The following TRPM3 variants were observed in gnomAD, a reference collection of about 807,000 sequenced individuals.
The protein encoded by TRPM3 is long transient receptor potential channel 3.
Under a neutral mutation model 181.2 loss-of-function variants are expected in TRPM3, and 77 were observed. That is an observed-to-expected ratio of 0.42 (90% CI 0.35 to 0.51). The LOEUF is 0.51. Among genes scored for constraint, TRPM3 ranks in the 20% least tolerant of loss-of-function variants. The pLI is 0.01. For synonymous variants in TRPM3, 745 were observed against 796.4 expected, an observed-to-expected ratio of 0.94 and a Z score of 1.09; for missense variants, 1,759 against 2,196.7, an observed-to-expected ratio of 0.80 and a Z score of 3.98.
intron 1 of TRPM3, among the ~76,000 whole-genome samples, chr9:71,064,708 C>T (rs2061707150): frequency 6.6e-6 from 1 of 152,026 alleles, no homozygotes; most frequent in African/African-American, 2.4e-5. Flanking sequence ...ACTTTGAATT[C>T]ACGTCAGTCA....
chr9:70,535,832 A>G lies in TRPM3; in HGVS notation c.*121T>C. The G allele has an allele frequency of 6.6e-7, 1 of 1,506,148 alleles. No individual in the cohort carries two copies. Among genetic ancestry groups the G allele is most frequent in the Non-Finnish European group, 8.8e-7 (1 of 1,134,342 alleles). 93.3% of individuals were successfully genotyped at this position (1,506,148 alleles called of 1,614,324 possible). A position where few individuals can be genotyped will look rare whatever the true frequency, so the allele number is the denominator to read the frequency against. ...CCTTTGAGTTAACACCTCCCAAAGC[A>G]TTGCTTGTTTTGCTCAGCTAAGAAT... On this transcript the variant is annotated 3_prime_UTR_variant, in exon 26 of 26. Coordinates refer to ENST00000677713, the MANE Select transcript of TRPM3 (RefSeq NM_001366145.2).
At chr9:71,086,569 G>A (rs2065299754) in intron 1 of TRPM3, among the ~76,000 whole-genome samples, 1 of 151,916 alleles carries the variant, frequency 6.6e-6, no homozygotes, top group African/African-American at 2.4e-5. Context: ...TGCATATCCT[G>A]TCAGGATAAG....
rs1237490677 is a variant in TRPM3 at position 70,530,475 on chromosome 9, C to A, written c.*5478G>T. The stretch of plus-strand genomic sequence containing the variant: ...ACACATGTCTTTTCAGTTTCCAGCA[C>A]ACAAACATTGTGCAAACGCACAAGG... On this transcript the variant is annotated 3_prime_UTR_variant, in exon 26 of 26. Transcript: ENST00000677713. 6.6e-6 allele frequency: 1 copy of A among 152,216 alleles called. No homozygotes were observed. Among genetic ancestry groups the A allele is most frequent in the Non-Finnish European group, 1.5e-5 (1 of 68,060 alleles). 9.4% of individuals were successfully genotyped at this position (152,216 alleles called of 1,614,324 possible).
chr9:70,993,796 A>C (rs1260236832), intron 1 of TRPM3, among the ~76,000 whole-genome samples: 6 of 128,968 alleles, frequency 4.7e-5, no homozygotes, highest in African/African-American at 1.6e-4. Flanking sequence ...AAAAAAAAAA[A>C]AAAAAAAAAG....
intron 1 of TRPM3, among the ~76,000 whole-genome samples, chr9:70,949,223 T>G (rs1273228924): frequency 1.3e-5 from 2 of 152,030 alleles, no homozygotes; most frequent in Non-Finnish European, 2.9e-5. Flanking sequence ...TTTTTAATTT[T>G]TAAAAATAAT....
intron 22 of TRPM3, among the ~76,000 whole-genome samples, chr9:70,562,439 G>A (rs891739344): frequency 6.6e-6 from 1 of 152,198 alleles, no homozygotes; most frequent in Non-Finnish European, 1.5e-5. Context: ...GGGAAAAAAA[G>A]GGACCAATGA....
intron 1 of TRPM3, among the ~76,000 whole-genome samples, chr9:71,264,474 CA>C (rs35075685): frequency 2.6e-5 from 4 of 151,350 alleles, no homozygotes; most frequent in East Asian, 1.9e-4. Flanking sequence ...GTAAGCGATC[CA>C]AAAAAAAGTC....
At chr9:70,985,887 G>A (rs1207264115) in intron 1 of TRPM3, among the ~76,000 whole-genome samples, 2 of 152,180 alleles carry the variant, frequency 1.3e-5, no homozygotes, top group African/African-American at 4.8e-5. Flanking sequence ...ACCAAGGACA[G>A]GATGGAGGGA....
chr9:70,972,472 G>A (rs965356264), intron 1 of TRPM3, among the ~76,000 whole-genome samples: 1 of 152,160 alleles, frequency 6.6e-6, no homozygotes, highest in Admixed American at 6.5e-5. Flanking sequence ...GGACTGGGAT[G>A]AGCGGAAATG....
At chr9:71,103,050 T>C (rs1220775042) in intron 1 of TRPM3, among the ~76,000 whole-genome samples, 1 of 152,188 alleles carries the variant, frequency 6.6e-6, no homozygotes, top group African/African-American at 2.4e-5. Flanking sequence ...ATCAAAGAAG[T>C]TGCTTTTTAG....
At chr9:70,537,877 G>A (rs567663734) in intron 25 of TRPM3, among the ~76,000 whole-genome samples, 25 of 152,228 alleles carry the variant, frequency 1.6e-4, no homozygotes, top group African/African-American at 6.0e-4. Flanking sequence ...CCAGAATTTT[G>A]CAATGAAATT....
chr9:70,536,107 C>G lies in TRPM3; in HGVS notation c.5006G>C (p.Ser1669Thr). 6.2e-7 allele frequency: 1 copy of G among 1,614,192 alleles called. No individual in the cohort carries two copies. Residue 1669 changes from serine to threonine, a missense_variant, in exon 26 of 26, where the codon AGT becomes ACT. Physicochemically the swap from Ser to Thr is moderately conservative, Grantham distance 58 (BLOSUM62 1). Around this residue, in one of 8 missense-constraint regions of TRPM3, gnomAD observed 612 missense variants for 590.0 expected, o/e 1.04. Transcript: ENST00000677713. Reference protein sequence around the residue: ...YAHTRKSFSISDKLDRQRNTA... With the variant: ...YAHTRKSFSITDKLDRQRNTA... Reference sequence around the variant, plus strand: ...GTTCCGCTGCCTGTCGAGTTTGTCACTGATGGAGAAGCTCTTCCTGGTGTG... The same window carrying G: ...GTTCCGCTGCCTGTCGAGTTTGTCAGTGATGGAGAAGCTCTTCCTGGTGTG...
intron 1 of TRPM3, among the ~76,000 whole-genome samples, chr9:71,141,358 A>G (rs1329777): frequency 0.95 from 144,658 of 152,236 alleles, 68,895 homozygotes; most frequent in East Asian, 1. Context: ...AAAAAAAAAT[A>G]AAATTCACAT....
At chr9:70,790,729 T>C (rs905887294) in intron 6 of TRPM3, among the ~76,000 whole-genome samples, 4 of 152,190 alleles carry the variant, frequency 2.6e-5, no homozygotes, top group African/African-American at 9.6e-5. Flanking sequence ...GATGAATTTA[T>C]GAAAACTACA....
At chr9:70,682,466 TA>T (rs1274131434) in intron 8 of TRPM3, among the ~76,000 whole-genome samples, 1 of 151,740 alleles carries the variant, frequency 6.6e-6, no homozygotes, top group East Asian at 1.9e-4. Flanking sequence ...TCAAGCAGAG[TA>T]AGTGGGTAAA....
At chr9:71,159,988 A>G (rs975279723) in intron 1 of TRPM3, among the ~76,000 whole-genome samples, 7 of 152,078 alleles carry the variant, frequency 4.6e-5, no homozygotes, top group African/African-American at 1.7e-4. Flanking sequence ...ATCAGACCCT[A>G]TAGGACTCAC....
At chr9:70,607,540 C>A (rs2061372161) in intron 19 of TRPM3, among the ~76,000 whole-genome samples, 1 of 152,134 alleles carries the variant, frequency 6.6e-6, no homozygotes, top group South Asian at 2.1e-4. Context: ...GCCCCACCAC[C>A]CCCCGCCAAA....
chr9:70,681,621 C>T, intron 8 of TRPM3, 43 bp from the exon 9 acceptor site: 3 of 1,559,708 alleles, frequency 1.9e-6, no homozygotes, highest in Non-Finnish European at 2.7e-6. Flanking sequence ...GCATTTTTCC[C>T]CCAAGAGAAA....
chr9:71,357,624 A>G (rs2091956449), intron 1 of TRPM3, among the ~76,000 whole-genome samples: 1 of 152,118 alleles, frequency 6.6e-6, no homozygotes, highest in Admixed American at 6.6e-5. Flanking sequence ...GTCATGTGAC[A>G]CACCAAAATT....
Sources: gnomAD v4.1 joint callset for allele counts (sites outside exome capture counted in the v4.1 genomes callset) on GRCh38, gnomAD v4.1.1 for gene constraint, gnomAD v4.1.1 regional missense constraint, MANE v1.5 for transcripts, NCBI Gene and HGNC (gene_info 2026-07-23, HGNC 2026-07-21) for gene names.